Variants in SRBD1 observed in about 807,000 individuals in gnomAD.
SRBD1 encodes S1 RNA-binding domain-containing protein 1.
SRBD1 carries 88 observed loss-of-function variants against 115.3 expected under a neutral mutation model. That is an observed-to-expected ratio of 0.76 (90% CI 0.64 to 0.91). SRBD1 has a LOEUF of 0.91. SRBD1 is among the 40% of genes least tolerant of loss of function. SRBD1 has a pLI of 0.00. For synonymous variants in SRBD1, 509 were observed against 407.7 expected, an observed-to-expected ratio of 1.25 and a Z score of -2.99; for missense variants, 1,385 against 1,177.4, an observed-to-expected ratio of 1.18 and a Z score of -2.58.
rs758772214 is a variant in SRBD1 at position 45,599,528 on chromosome 2, G to C, written c.569C>G (p.Pro190Arg). The change falls in exon 4 of 21, where the codon CCT (proline) becomes CGT (arginine). Residue 190 changes from proline (P) to arginine (R), a missense_variant. Physicochemically the swap from Pro to Arg is moderately radical, Grantham distance 103. Coordinates refer to ENST00000263736, the MANE Select transcript of SRBD1 (RefSeq NM_018079.5). ...ALKKIKTETY[P>R]QGQPVKFPAN... The stretch of plus-strand genomic sequence containing the variant: ...TGGAAACTTGACAGGCTGCCCCTGA[G>C]GATATGTCTCAGTCTTGATTTTCTT... 8.1e-6 allele frequency: 13 copies of C among 1,614,098 alleles called. No homozygotes were observed. The highest frequency in any genetic ancestry group is 6.7e-5 in the East Asian group (3 of 44,904).
Position 45,488,953 on chromosome 2 carries a change from C to A in SRBD1, c.1875-622G>T, listed in dbSNP as rs76414675. Among the ~76,000 whole-genome samples the A allele has an allele frequency of 5.0e-4, 76 of 152,190 alleles. 2 individuals carry two copies. The East Asian group carries it at 9.5e-3, about 19-fold the overall frequency. On this transcript the variant is annotated intron_variant, in intron 14 of 20. Coordinates refer to ENST00000263736, the MANE Select transcript of SRBD1 (RefSeq NM_018079.5). The stretch of plus-strand genomic sequence containing the variant: ...CTTTCAGTGAACTTAAAGTCTTCCA[C>A]TCAGGCAGGTGTTAATTCCTTTCAT...
chr2:45,530,971 G>A (rs564901056), intron 14 of SRBD1, among the ~76,000 whole-genome samples: 59 of 148,180 alleles, frequency 4.0e-4, no homozygotes, highest in African/African-American at 1.2e-3. Flanking sequence ...TGGGCAAGAT[G>A]TACCTCTCCA....
At chr2:45,524,170 A>G (rs2103963711) in intron 14 of SRBD1, among the ~76,000 whole-genome samples, 1 of 152,168 alleles carries the variant, frequency 6.6e-6, no homozygotes, top group Middle Eastern at 3.4e-3. Flanking sequence ...GGTAAAAAGC[A>G]TGTAGGAAAA....
At chr2:45,551,053 T>C (rs1437943879) in intron 12 of SRBD1, 72 bp downstream of exon 12, 15 of 1,505,260 alleles carry the variant, frequency 1.0e-5, no homozygotes, top group Non-Finnish European at 1.3e-5. Context: ...TTCCAAATCC[T>C]CATGAAATGT....
chr2:45,582,791 CA>C (rs1286749626), intron 5 of SRBD1, among the ~76,000 whole-genome samples: 1 of 152,142 alleles, frequency 6.6e-6, no homozygotes, highest in Non-Finnish European at 1.5e-5. Flanking sequence ...GCCCTGGAAT[CA>C]GAAGAATGAT....
intron 15 of SRBD1, among the ~76,000 whole-genome samples, chr2:45,484,337 G>T (rs545928694): frequency 1.3e-5 from 2 of 152,202 alleles, no homozygotes; most frequent in East Asian, 3.9e-4. Context: ...GTTGTCTCTT[G>T]TATTGGCAGA....
At chr2:45,599,021 C>G (rs965193335) in intron 4 of SRBD1, among the ~76,000 whole-genome samples, 1 of 152,162 alleles carries the variant, frequency 6.6e-6, no homozygotes, top group Non-Finnish European at 1.5e-5. Flanking sequence ...TTTCAAAAAT[C>G]GCTAGGCCTT....
At chr2:45,463,017 C>T (rs973955140) in intron 16 of SRBD1, among the ~76,000 whole-genome samples, 6 of 116,344 alleles carry the variant, frequency 5.2e-5, no homozygotes, top group African/African-American at 2.2e-4. Flanking sequence ...GAGAATAACC[C>T]GGGGGGGGGG....
intron 14 of SRBD1, among the ~76,000 whole-genome samples, chr2:45,498,072 T>G (rs1670516215): frequency 6.6e-6 from 1 of 152,200 alleles, no homozygotes; most frequent in Admixed American, 6.5e-5. Flanking sequence ...CAATACTTAC[T>G]ATTTGTCTCT....
intron 18 of SRBD1, among the ~76,000 whole-genome samples, chr2:45,414,893 G>GTACA (rs1553384278): frequency 7.5e-6 from 1 of 132,792 alleles, no homozygotes; most frequent in Non-Finnish European, 1.6e-5. Context: ...TATATAGTAT[G>GTACA]TACACACACA....
chr2:45,533,747 T>G (rs1374557862), intron 14 of SRBD1, among the ~76,000 whole-genome samples: 1 of 152,046 alleles, frequency 6.6e-6, no homozygotes, highest in Non-Finnish European at 1.5e-5. Flanking sequence ...AGTTCATCAA[T>G]TGCTACATTA....
intron 14 of SRBD1, among the ~76,000 whole-genome samples, chr2:45,499,466 A>C (rs1289668209): frequency 6.6e-6 from 1 of 151,952 alleles, no homozygotes; most frequent in Non-Finnish European, 1.5e-5. Context: ...CACTTTGTTG[A>C]CTGTTTCCTT....
At chr2:45,497,787 A>G (rs914861500) in intron 14 of SRBD1, among the ~76,000 whole-genome samples, 6 of 151,946 alleles carry the variant, frequency 3.9e-5, no homozygotes, top group African/African-American at 1.5e-4. Context: ...CTGTAATCTC[A>G]GCACTTTGGG....
At chr2:45,603,351 C>T (rs1386421917) in intron 2 of SRBD1, among the ~76,000 whole-genome samples, 1 of 152,136 alleles carries the variant, frequency 6.6e-6, no homozygotes, top group Non-Finnish European at 1.5e-5. Context: ...ATATCCCTTA[C>T]ATACAGGAAC....
At chr2:45,521,934 C>T (rs1425613704) in intron 14 of SRBD1, among the ~76,000 whole-genome samples, 1 of 151,492 alleles carries the variant, frequency 6.6e-6, no homozygotes, top group African/African-American at 2.4e-5. Flanking sequence ...TGCCACTGCA[C>T]TCTAGCCTGG....
chr2:45,544,239 A>C (rs2104022382), intron 14 of SRBD1, among the ~76,000 whole-genome samples: 1 of 151,448 alleles, frequency 6.6e-6, no homozygotes, highest in South Asian at 2.1e-4. Flanking sequence ...GCTCAAAAAA[A>C]AAAAAAAAAA....
At chr2:45,564,887 T>A (rs1040673263) in intron 9 of SRBD1, among the ~76,000 whole-genome samples, 2 of 152,216 alleles carry the variant, frequency 1.3e-5, no homozygotes, top group Non-Finnish European at 2.9e-5. Context: ...TACATAGATT[T>A]GGGTATATGC....
At chr2:45,460,620 G>C (rs1418416624) in intron 16 of SRBD1, among the ~76,000 whole-genome samples, 10 of 152,176 alleles carry the variant, frequency 6.6e-5, no homozygotes, top group Non-Finnish European at 1.5e-5. Flanking sequence ...GAGAAAGGAA[G>C]AGTAACAGAC....
chr2:45,461,947 C>T (rs1343759372), intron 16 of SRBD1, among the ~76,000 whole-genome samples: 2 of 152,080 alleles, frequency 1.3e-5, no homozygotes, highest in Non-Finnish European at 2.9e-5. Flanking sequence ...TTTTTCTCTT[C>T]AGTTTGCTGA....
Sources: allele counts gnomAD v4.1 joint callset (sites outside exome capture counted in the v4.1 genomes callset), GRCh38; gene constraint gnomAD v4.1.1; transcripts MANE v1.5; gene names NCBI Gene and HGNC (gene_info 2026-07-23, HGNC 2026-07-21).